WWOX: variants seen among roughly 807,000 people sequenced by gnomAD.
WWOX encodes the protein WW domain-containing oxidoreductase.
A neutral mutation model predicts 46.2 loss-of-function variants in WWOX; 69 were observed. The observed-to-expected ratio is 1.49, with a 90% confidence interval of 1.23 to 1.82. WWOX has a LOEUF of 1.82. Ranked by LOEUF, WWOX falls within the 40% of genes most tolerant of loss-of-function variation. WWOX has a pLI of 0.00. For synonymous variants in WWOX, 359 were observed against 202.6 expected (o/e 1.77, Z -6.56); for missense variants, 919 against 542.6 (o/e 1.69, Z -6.89).
chr16:78,991,219 C>G (rs1003635279), intron 8 of WWOX, among the ~76,000 whole-genome samples: 2 of 152,148 alleles, frequency 1.3e-5, no homozygotes, highest in Admixed American at 1.3e-4. Flanking sequence ...AGGAGTCACC[C>G]TGAACTATTT....
At chr16:78,516,226 A>T (rs535514251) in intron 8 of WWOX, among the ~76,000 whole-genome samples, 1 of 152,090 alleles carries the variant, frequency 6.6e-6, no homozygotes, top group Non-Finnish European at 1.5e-5. Context: ...GAGCTCTTCC[A>T]TCCTTAAACA....
At chr16:78,424,789 C>G in intron 6 of WWOX, 81 bp from the exon 7 acceptor site, 2 of 1,485,064 alleles carry the variant, frequency 1.3e-6, no homozygotes, top group East Asian at 2.3e-5. Context: ...ATGTCCACAT[C>G]ACGTGGATTC....
chr16:78,336,330 C>T (rs1454163338), intron 5 of WWOX, among the ~76,000 whole-genome samples: 1 of 131,098 alleles, frequency 7.6e-6, no homozygotes, highest in Non-Finnish European at 1.6e-5. Context: ...AAAATAACAC[C>T]AAAAAAAAAA....
intron 8 of WWOX, among the ~76,000 whole-genome samples, chr16:78,532,861 G>C (rs553536927): frequency 6.6e-6 from 1 of 152,148 alleles, no homozygotes; most frequent in Non-Finnish European, 1.5e-5. Flanking sequence ...TTCAAGAAGA[G>C]ATTTGGGTGG....
At chr16:78,489,615 TTCTAAC>T (rs2084729000) in intron 8 of WWOX, among the ~76,000 whole-genome samples, 1 of 152,178 alleles carries the variant, frequency 6.6e-6, no homozygotes, top group African/African-American at 2.4e-5. Context: ...TTCCAGAACC[TTCTAAC>T]TCTATTTCTT....
chr16:79,143,720 G>C (rs926301656), intron 8 of WWOX, among the ~76,000 whole-genome samples: 2 of 152,122 alleles, frequency 1.3e-5, no homozygotes, highest in Non-Finnish European at 2.9e-5. Flanking sequence ...GCAGCCCTGA[G>C]GGATAGGTGC....
intron 8 of WWOX, chr16:78,890,822 G>A (rs2044573907): frequency 6.6e-6 from 1 of 152,170 alleles, no homozygotes. Context: ...TTTCGAGCAT[G>A]TTTTGTCAAT....
At position 78,276,864 on chromosome 16, in the gene WWOX, G is replaced by C. The variant is rs186760003; in HGVS notation, c.517-109996G>C. On this transcript the variant is annotated intron_variant, in intron 5 of 8. Coordinates refer to ENST00000566780, the MANE Select transcript of WWOX (RefSeq NM_016373.4). ...TGTCCCCATTTTTCTTTGCATCTCCGAACTCTCATTAATTTTTCACAGGCT... is the reference window on the plus strand; with the variant it reads ...TGTCCCCATTTTTCTTTGCATCTCCCAACTCTCATTAATTTTTCACAGGCT... Among the ~76,000 whole-genome samples, 4 of 152,192 alleles carry C rather than the reference G, an allele frequency of 2.6e-5. No individual in the cohort carries two copies. The East Asian group carries it at 7.8e-4, about 30-fold the overall frequency.
rs144669797 is a variant in WWOX, at chr16:78,386,516, G to A, written c.517-344G>A. Among the ~76,000 whole-genome samples the A allele has an allele frequency of 2.2e-3, 341 of 152,208 alleles. 1 individual carries two copies. The highest frequency in any genetic ancestry group is 3.8e-3 in the Non-Finnish European group (258 of 68,018). On this transcript the variant is annotated intron_variant, in intron 5 of 8. Transcript: ENST00000566780. ...ATCTTTCCATGATCGAGGCGTTGTCGTGCATTCCCCTCCTTACAGCGTTTT... is the reference window on the plus strand; with the variant it reads ...ATCTTTCCATGATCGAGGCGTTGTCATGCATTCCCCTCCTTACAGCGTTTT...
chr16:78,582,866 G>A (rs1335801379), intron 8 of WWOX, among the ~76,000 whole-genome samples: 1 of 152,170 alleles, frequency 6.6e-6, no homozygotes, highest in African/African-American at 2.4e-5. Context: ...TTCTAGTGAT[G>A]TACCGGGAAC....
intron 8 of WWOX, among the ~76,000 whole-genome samples, chr16:78,989,846 G>GTGTC (rs1340711602): frequency 1.3e-5 from 2 of 151,460 alleles, no homozygotes; most frequent in Non-Finnish European, 2.9e-5. Context: ...GTGTGTGTGT[G>GTGTC]TGTGTGTGTG....
chr16:78,415,897 T>C (rs768142997), intron 6 of WWOX, among the ~76,000 whole-genome samples: 1 of 151,600 alleles, frequency 6.6e-6, no homozygotes, highest in Non-Finnish European at 1.5e-5. Flanking sequence ...GTTGAAGGGG[T>C]TGCTGGTTTG....
At chr16:78,332,776 AC>A (rs571691628) in intron 5 of WWOX, among the ~76,000 whole-genome samples, 2 of 152,100 alleles carry the variant, frequency 1.3e-5, no homozygotes, top group South Asian at 4.1e-4. Flanking sequence ...TGCATTCAGA[AC>A]TTTACTAACA....
chr16:79,000,934 C>T (rs561088722), intron 8 of WWOX, among the ~76,000 whole-genome samples: 4 of 152,240 alleles, frequency 2.6e-5, no homozygotes, highest in East Asian at 1.9e-4. Context: ...CCCCACTGGA[C>T]GTGGGCAGGA....
chr16:78,820,393 G>T (rs1180174227), intron 8 of WWOX, among the ~76,000 whole-genome samples: 2 of 152,118 alleles, frequency 1.3e-5, no homozygotes, highest in African/African-American at 4.8e-5. Context: ...GAAGATCTGG[G>T]AGTATTGTTT....
At chr16:78,834,282 AT>A (rs2051914551) in intron 8 of WWOX, among the ~76,000 whole-genome samples, 1 of 152,196 alleles carries the variant, frequency 6.6e-6, no homozygotes, top group African/African-American at 2.4e-5. Flanking sequence ...CCATGTCCCC[AT>A]TGAACACTGC....
chr16:79,056,676 G>A (rs2048268395), intron 8 of WWOX, among the ~76,000 whole-genome samples: 3 of 152,080 alleles, frequency 2.0e-5, no homozygotes, highest in African/African-American at 7.2e-5. Flanking sequence ...TCCAAACATT[G>A]CCAATCCCCC....
At chr16:78,323,235 T>C (rs551978252) in intron 5 of WWOX, among the ~76,000 whole-genome samples, 1 of 152,070 alleles carries the variant, frequency 6.6e-6, no homozygotes, top group East Asian at 1.9e-4. Context: ...GCCTCCTGAG[T>C]AGGTGGGACT....
At chr16:78,884,718 G>A (rs140793223) in intron 8 of WWOX, among the ~76,000 whole-genome samples, 1 of 152,158 alleles carries the variant, frequency 6.6e-6, no homozygotes, top group Non-Finnish European at 1.5e-5. Flanking sequence ...CTAATGTTCT[G>A]TTGCTTGTTC....
Sources: gnomAD v4.1 joint callset for allele counts (sites outside exome capture counted in the v4.1 genomes callset) on GRCh38, gnomAD v4.1.1 for gene constraint, MANE v1.5 for transcripts, NCBI Gene and HGNC (gene_info 2026-07-23, HGNC 2026-07-21) for gene names.